Variants in FAT1 observed in about 807,000 individuals in gnomAD.
The protein encoded by FAT1 is FAT atypical cadherin 1.
FAT1 carries 171 observed loss-of-function variants against 329.8 expected under a neutral mutation model. The observed-to-expected ratio is 0.52, with a 90% confidence interval of 0.46 to 0.59. The LOEUF is 0.59. Among genes scored for constraint, FAT1 ranks in the 20% least tolerant of loss-of-function variants. The pLI, the probability that FAT1 is intolerant of heterozygous loss-of-function variation, is 0.00. For missense variants in FAT1, 5,672 were observed against 5,774.4 expected, an observed-to-expected ratio of 0.98 and a Z score of 0.57; for synonymous variants, 2,233 against 2,228.6, an observed-to-expected ratio of 1.00 and a Z score of -0.06.
At chr4:186,628,462 GGGA>G (rs1464733098) in intron 8 of FAT1, 23 bp downstream of exon 8, 3 of 1,613,198 alleles carry the variant, frequency 1.9e-6, no homozygotes, top group Admixed American at 1.7e-5. Context: ...ACCAAATGGT[GGGA>G]GGAGAGCGGG....
chr4:186,725,303 C>A (rs1745681353), upstream of FAT1, among the ~76,000 whole-genome samples: 1 of 152,038 alleles, frequency 6.6e-6, no homozygotes, highest in Non-Finnish European at 1.5e-5. The surrounding 1 kb of genome is among the most constrained non-coding windows in gnomAD (Gnocchi z 5.4). Context: ...GGAACTCCAG[C>A]CGTTTCCTGG....
intron 3 of FAT1, among the ~76,000 whole-genome samples, chr4:186,657,766 T>C (rs1005547357): frequency 6.6e-6 from 1 of 152,158 alleles, no homozygotes; most frequent in Non-Finnish European, 1.5e-5. Flanking sequence ...AGGACACACA[T>C]GTCTAAAAGT....
At chr4:186,691,348 A>G (rs1192315582) in intron 2 of FAT1, among the ~76,000 whole-genome samples, 1 of 152,206 alleles carries the variant, frequency 6.6e-6, no homozygotes, top group Non-Finnish European at 1.5e-5. Context: ...CTTCGCTAAC[A>G]TGATCTTCTA....
In FAT1 at chr4:186,707,686, C is replaced by A. The variant is rs758056252; in HGVS notation, c.2142G>T (p.Pro714=). ...CAGTCGGAAGAGTGCTTCTAAACTG[C>A]GGTATGTGAGCATTGACAGAGTGAG... The part of the protein sequence containing the change: ...FDSHSVNAHI[P]QFRSTLPTGI... Residue 714 remains proline (P), a synonymous_variant, in exon 2 of 27, where the codon CCG becomes CCT. Transcript: ENST00000441802. The A allele has an allele frequency of 7.4e-6, 12 of 1,613,842 alleles. 1 individual carries two copies. In the South Asian group the frequency reaches 1.3e-4, roughly 18 times the overall value.
In FAT1 at chr4:186,623,035, T is replaced by G. The variant is rs138248393; in HGVS notation, c.4811-1260A>C. Among the ~76,000 whole-genome samples, 289 of 152,288 alleles carry G rather than the reference T, an allele frequency of 1.9e-3. 2 individuals are homozygous for G. The highest frequency in any genetic ancestry group is 6.1e-3 in the African/African-American group (252 of 41,560). On this transcript the variant is annotated intron_variant, in intron 9 of 26. Transcript: ENST00000441802. ...TTAACAGGAAACACTTCCTCTACAG[T>G]CTTCACTTCCTTCCTTTCATACATT...
intron 26 of FAT1, among the ~76,000 whole-genome samples, chr4:186,594,162 C>T (rs1275219733): frequency 6.6e-6 from 1 of 151,930 alleles, no homozygotes; most frequent in Non-Finnish European, 1.5e-5. Context: ...AACTCCCGGG[C>T]TCAGGCCATT....
chr4:186,699,739 A>T (rs2126672457), intron 2 of FAT1, among the ~76,000 whole-genome samples: 1 of 152,282 alleles, frequency 6.6e-6, no homozygotes, highest in East Asian at 1.9e-4. Context: ...AAATAACAGT[A>T]CACAAAACAC....
rs541624830 is a variant in FAT1 at position 186,610,393 on chromosome 4, T to C, written c.9854-378A>G. On this transcript the variant is annotated intron_variant, in intron 14 of 26. Coordinates refer to ENST00000441802, the MANE Select transcript of FAT1 (RefSeq NM_005245.4). ...AATTCTATTGTGTCTTTCGGTTTCA[T>C]TTTTTGTCTCATCTTTTTAAAATAT... Among the ~76,000 whole-genome samples the C allele has an allele frequency of 2.2e-4, 34 of 152,018 alleles. No individual in the cohort carries two copies. The East Asian group carries it at 6.4e-3, about 28-fold the overall frequency.
chr4:186,655,674 C>T (rs1433795910), intron 3 of FAT1, among the ~76,000 whole-genome samples: 1 of 152,044 alleles, frequency 6.6e-6, no homozygotes, highest in East Asian at 1.9e-4. Context: ...CTCAAGTGAT[C>T]CACAAGCCTC....
In FAT1 at chr4:186,707,638, C is replaced by T. The variant is rs1413357427; in HGVS notation, c.2190G>A (p.Gln730=). The T allele has an allele frequency of 2.5e-6, 4 of 1,613,896 alleles. 1 individual carries two copies. In the South Asian group the frequency reaches 4.4e-5, roughly 18 times the overall value. Reference sequence around the variant, plus strand: ...TGAAAATTACACTGGAACCCACAGGCTGGTTTTCCTTTACCTGAATACCAG... The same window carrying T: ...TGAAAATTACACTGGAACCCACAGGTTGGTTTTCCTTTACCTGAATACCAG... ...LPTGIQVKEN[Q]PVGSSVIFMN... Residue 730 remains glutamine, a synonymous_variant, in exon 2 of 27, where the codon CAG becomes CAA. Coordinates refer to ENST00000441802, the MANE Select transcript of FAT1 (RefSeq NM_005245.4).
intron 4 of FAT1, 134 bp downstream of exon 4, chr4:186,639,588 A>T (rs1198332527): frequency 3.3e-6 from 2 of 612,476 alleles, no homozygotes; most frequent in Non-Finnish European, 5.6e-6. Context: ...CCTTTTTCCT[A>T]ACAACCAGTA....
At chr4:186,678,768 TTGGGAAAGACAGTG>T (rs1343012471) in intron 2 of FAT1, among the ~76,000 whole-genome samples, 1 of 152,046 alleles carries the variant, frequency 6.6e-6, no homozygotes, top group Non-Finnish European at 1.5e-5. Context: ...AGTTCAACCA[TTGGGAAAGACAGTG>T]TGGCGATTCC....
At chr4:186,593,847 T>A (rs1387094244) in intron 26 of FAT1, among the ~76,000 whole-genome samples, 1 of 152,088 alleles carries the variant, frequency 6.6e-6, no homozygotes, top group Non-Finnish European at 1.5e-5. Context: ...GTCTACATTG[T>A]TTTAGGCCAC....
Position 186,603,394 on chromosome 4 carries a change from A to G in FAT1, c.11132T>C (p.Leu3711Pro), listed in dbSNP as rs778030440. 6.2e-7 allele frequency: 1 copy of G among 1,614,000 alleles called. No homozygotes were observed. The highest frequency in any genetic ancestry group is 2.2e-5 in the East Asian group (1 of 44,872). Reference protein sequence around the residue: ...PGSAQISTKQLLHKINSSVTD... With the variant: ...PGSAQISTKQPLHKINSSVTD... Reference sequence around the variant, plus strand: ...CACGGAAGAGTTAATCTTGTGCAGAAGTTGTTTTGTTGAGATCTGAGCACT... The same window carrying G: ...CACGGAAGAGTTAATCTTGTGCAGAGGTTGTTTTGTTGAGATCTGAGCACT... Residue 3711 changes from leucine (L) to proline (P), a missense_variant, in exon 19 of 27, where the codon CTT (leucine) becomes CCT (proline). This residue lies in a region of FAT1 where 1,706 missense variants were observed against 1,859.1 expected (regional missense o/e 0.92). Transcript: ENST00000441802.
At position 186,633,777 on chromosome 4, in the gene FAT1, G is replaced by C. The variant is rs149455584; in HGVS notation, c.4230C>G (p.Thr1410=). The change falls in exon 7 of 27, where the codon ACC becomes ACG. Residue 1410 remains threonine, a synonymous_variant. Transcript: ENST00000441802. The part of the protein sequence containing the change: ...SHFDVDKGTG[T]IIVAKPLDAE... ...CATCAAGAGGTTTGGCAACAATGAT[G>C]GTTCCAGTTCCCTTGTCCACATCGA... is the stretch of plus-strand genomic sequence containing the variant. 1.9e-6 allele frequency: 3 copies of C among 1,613,898 alleles called. No individual in the cohort carries two copies. In the East Asian group the frequency reaches 6.7e-5, roughly 36 times the overall value.
intron 3 of FAT1, among the ~76,000 whole-genome samples, chr4:186,655,955 G>C (rs544551533): frequency 6.6e-6 from 1 of 152,258 alleles, no homozygotes; most frequent in Non-Finnish European, 1.5e-5. Flanking sequence ...GCCAGTACCT[G>C]AAAGTACCTG....
intron 2 of FAT1, among the ~76,000 whole-genome samples, chr4:186,705,694 T>C (rs760741475): frequency 1.3e-5 from 2 of 152,162 alleles, no homozygotes; most frequent in Non-Finnish European, 1.5e-5. Context: ...CATATTGACA[T>C]ATAACTACAA....
chr4:186,610,400 T>C (rs1739348850), intron 14 of FAT1, among the ~76,000 whole-genome samples: 1 of 151,858 alleles, frequency 6.6e-6, no homozygotes. Context: ...TCATTTTTTG[T>C]CTCATCTTTT....
intron 1 of FAT1, among the ~76,000 whole-genome samples, chr4:186,722,460 G>A (rs1278808277): frequency 6.6e-6 from 1 of 152,178 alleles, no homozygotes; most frequent in Non-Finnish European, 1.5e-5. Context: ...AAATTACATA[G>A]TGCTTTAAGT....
Sources: gnomAD v4.1 joint callset for allele counts (sites outside exome capture counted in the v4.1 genomes callset) on GRCh38, gnomAD v4.1.1 for gene constraint, gnomAD v4.1.1 regional missense constraint, Gnocchi (gnomAD v3.1) non-coding constraint, MANE v1.5 for transcripts, NCBI Gene and HGNC (gene_info 2026-07-23, HGNC 2026-07-21) for gene names.